The following TUSC3 variants were observed in gnomAD, a reference collection of about 807,000 sequenced individuals.
TUSC3 encodes dolichyl-diphosphooligosaccharide--protein glycosyltransferase subunit TUSC3.
A neutral mutation model predicts 44.8 loss-of-function variants in TUSC3; 45 were observed. That is an observed-to-expected ratio of 1.00 (90% CI 0.79 to 1.29). TUSC3 has a LOEUF of 1.29. Ranked by LOEUF, TUSC3 falls within the 50% of genes most tolerant of loss-of-function variation. The pLI, the probability that TUSC3 is intolerant of heterozygous loss-of-function variation, is 0.00. For missense variants in TUSC3, 519 were observed against 437.9 expected (o/e 1.19, Z -1.65); for synonymous variants, 212 against 152.9 (o/e 1.39, Z -2.85).
intron 1 of TUSC3, among the ~76,000 whole-genome samples, chr8:15,551,674 G>A (rs921202044): frequency 1.3e-5 from 2 of 151,684 alleles, no homozygotes; most frequent in African/African-American, 2.4e-5. Context: ...CAGTAACTCA[G>A]GAGAAACAAC....
chr8:15,432,414 T>C (rs1799883526), intron 1 of TUSC3, among the ~76,000 whole-genome samples: 1 of 152,192 alleles, frequency 6.6e-6, no homozygotes, highest in South Asian at 2.1e-4. Flanking sequence ...TGTTTTCACA[T>C]TCTGTCTACT....
intron 1 of TUSC3, among the ~76,000 whole-genome samples, chr8:15,418,177 C>A (rs115118878): frequency 0.011 from 1,720 of 152,282 alleles, 31 homozygotes; most frequent in African/African-American, 0.038. Flanking sequence ...TGTAATTCAT[C>A]ATTAAATGTG....
chr8:15,712,099 A>C (rs761442780), intron 6 of TUSC3, among the ~76,000 whole-genome samples: 5 of 152,048 alleles, frequency 3.3e-5, no homozygotes, highest in African/African-American at 9.7e-5. Flanking sequence ...TCTTATTAAT[A>C]GTATTTTCAG....
At chr8:15,781,391 A>T in the TUSC3 span, among the ~76,000 whole-genome samples, 2 of 152,160 alleles carry the variant, frequency 1.3e-5, no homozygotes, top group Non-Finnish European at 2.9e-5. Context: ...AAACAAACAC[A>T]GCAGTTTGGA....
intron 2 of TUSC3, among the ~76,000 whole-genome samples, chr8:15,534,921 G>A (rs993103778): frequency 1.3e-5 from 2 of 152,096 alleles, no homozygotes; most frequent in Admixed American, 6.6e-5. Context: ...AAGTATGGCC[G>A]CTGGGATTGG....
intron 7 of TUSC3, among the ~76,000 whole-genome samples, chr8:15,733,978 A>C (rs756574769): frequency 2.6e-5 from 4 of 152,214 alleles, no homozygotes; most frequent in Non-Finnish European, 4.4e-5. Flanking sequence ...CGGGAGGTCA[A>C]GGCTGCAGTG....
the TUSC3 span, among the ~76,000 whole-genome samples, chr8:15,811,262 C>T: frequency 6.6e-6 from 1 of 152,156 alleles, no homozygotes; most frequent in Non-Finnish European, 1.5e-5. Flanking sequence ...TCTCTGTTGT[C>T]ACATTCCAAA....
the TUSC3 span, among the ~76,000 whole-genome samples, chr8:15,773,874 C>T: frequency 6.6e-6 from 1 of 152,082 alleles, no homozygotes; most frequent in Admixed American, 6.6e-5. Context: ...TGGACCCTTG[C>T]CTCACACTGT....
intron 1 of TUSC3, among the ~76,000 whole-genome samples, chr8:15,572,791 G>T (rs1802927157): frequency 6.6e-6 from 1 of 152,132 alleles, no homozygotes; most frequent in Non-Finnish European, 1.5e-5. Context: ...AAGAGTGGAG[G>T]TGGGGAATGG....
the TUSC3 span, among the ~76,000 whole-genome samples, chr8:15,772,379 G>C: frequency 6.6e-6 from 1 of 151,968 alleles, no homozygotes; most frequent in Non-Finnish European, 1.5e-5. Flanking sequence ...GAAATAAAAA[G>C]GATTATAAGA....
intron 1 of TUSC3, among the ~76,000 whole-genome samples, chr8:15,581,435 C>A (rs1459192394): frequency 6.7e-6 from 1 of 149,120 alleles, no homozygotes; most frequent in Non-Finnish European, 1.5e-5. Context: ...TGTTTTTTCC[C>A]CATCTTTGTG....
intron 1 of TUSC3, among the ~76,000 whole-genome samples, chr8:15,466,170 G>A (rs994719458): frequency 1.3e-5 from 2 of 152,088 alleles, no homozygotes; most frequent in African/African-American, 4.8e-5. Flanking sequence ...GTATGTTAAA[G>A]GTTGTTTTTC....
chr8:15,541,930 T>A (rs1291325474), intron 1 of TUSC3, among the ~76,000 whole-genome samples: 1 of 151,528 alleles, frequency 6.6e-6, no homozygotes, highest in African/African-American at 2.4e-5. Context: ...CCTAGGACGA[T>A]CCCTAGGACC....
At chr8:15,722,145 T>G (rs1450686685) in intron 6 of TUSC3, among the ~76,000 whole-genome samples, 2 of 151,900 alleles carry the variant, frequency 1.3e-5, no homozygotes, top group African/African-American at 4.8e-5. Flanking sequence ...ATACCTGCAG[T>G]CTATGTTTTT....
chr8:15,740,749 TTAC>T (rs1811157526), intron 7 of TUSC3, among the ~76,000 whole-genome samples: 1 of 152,126 alleles, frequency 6.6e-6, no homozygotes, highest in South Asian at 2.1e-4. Flanking sequence ...GAAAATACAC[TTAC>T]CAAACCTCTC....
rs546848234 is a variant in TUSC3 at position 15,438,434 on chromosome 8, A to G, written n.91+21129A>G. Among the ~76,000 whole-genome samples, 65 of 147,326 alleles carry G rather than the reference A, an allele frequency of 4.4e-4. 1 individual carries two copies. Among genetic ancestry groups the G allele is most frequent in the African/African-American group, 1.6e-3 (63 of 40,190 alleles). On this transcript the variant is annotated intron_variant and non_coding_transcript_variant, in intron 1 of 5. Transcript: ENST00000503191. ...TTATAGGAGATGCTGCATATAAAGTATGTGCATGGTGCCTGGTATAGTCCT... is the reference window on the plus strand; with the variant it reads ...TTATAGGAGATGCTGCATATAAAGTGTGTGCATGGTGCCTGGTATAGTCCT...
At chr8:15,483,277 A>T (rs571485064) in intron 1 of TUSC3, 3 of 184,366 alleles carry the variant, frequency 1.6e-5, no homozygotes, top group South Asian at 1.1e-4. Context: ...TAGTTTTTTT[A>T]AAAATCCTCT....
intron 5 of TUSC3, among the ~76,000 whole-genome samples, chr8:15,669,213 G>T (rs572730968): frequency 1.3e-5 from 2 of 151,898 alleles, no homozygotes; most frequent in South Asian, 2.1e-4. Context: ...AACACAAGAA[G>T]AATGAGAAAG....
At chr8:15,726,077 C>T (rs352763) in intron 6 of TUSC3, among the ~76,000 whole-genome samples, 89,402 of 151,958 alleles carry the variant, frequency 0.59, 27,055 homozygotes, top group African/African-American at 0.72. Context: ...AAGGACTCCT[C>T]AAGGAGTATT....
Sources: allele counts gnomAD v4.1 joint callset (sites outside exome capture counted in the v4.1 genomes callset), GRCh38; gene constraint gnomAD v4.1.1; transcripts MANE v1.5; gene names NCBI Gene and HGNC (gene_info 2026-07-23, HGNC 2026-07-21).